Variants in FGD6 observed in about 807,000 individuals in gnomAD.
FGD6 encodes the protein FYVE, RhoGEF and PH domain containing 6.
In FGD6, 90 loss-of-function variants were observed where a neutral mutation model predicts 149.4. That is an observed-to-expected ratio of 0.60 (90% CI 0.51 to 0.72). The LOEUF (loss-of-function observed/expected upper bound fraction) is 0.72. Ranked by LOEUF, FGD6 falls within the 30% of genes least tolerant of loss-of-function variation. The probability of loss-of-function intolerance (pLI) is 0.00; values close to 1 mark genes in which losing one functional copy is unlikely to be tolerated. For synonymous variants in FGD6, 527 were observed against 584.0 expected (o/e 0.90, Z 1.41); for missense variants, 1,437 against 1,684.8 (o/e 0.85, Z 2.57).
Position 95,158,390 on chromosome 12 carries a change from T to C in FGD6, c.2587-5397A>G, listed in dbSNP as rs1015785810. ...CGGGGTTTCACCGTGTTAGCCAGGA[T>C]GGTCTCGATCTCCTGGCCTTCTGAT... On this transcript the variant is annotated intron_variant, in intron 3 of 20. Coordinates refer to ENST00000343958, the MANE Select transcript of FGD6 (RefSeq NM_018351.4). 6.6e-5 allele frequency among the ~76,000 whole-genome samples: 10 copies of C among 151,382 alleles called. No individual in the cohort carries two copies. In the South Asian group the frequency reaches 1.9e-3, roughly 29 times the overall value.
chr12:95,173,552 T>C (rs1245392681), intron 2 of FGD6, among the ~76,000 whole-genome samples: 1 of 152,056 alleles, frequency 6.6e-6, no homozygotes, highest in Non-Finnish European at 1.5e-5. Flanking sequence ...ATCTCATGAA[T>C]CTAAAAGCCA....
In FGD6 at chr12:95,092,840, G is replaced by A. The variant is rs1878103354; in HGVS notation, c.3606C>T (p.Asp1202=). 1 of 1,609,180 alleles carries A rather than the reference G, an allele frequency of 6.2e-7. No individual in the cohort carries two copies. Among genetic ancestry groups the A allele is most frequent in the African/African-American group, 1.3e-5 (1 of 74,892 alleles). The change falls in exon 16 of 21, where the codon GAC becomes GAT. Residue 1202 remains aspartate (D), a synonymous_variant. Transcript: ENST00000343958. ...FCPSRSLDEA[D]SENKEEVSPL... is the part of the protein sequence containing the mutation. ...GACTAACTTCTTCTTTATTTTCTGA[G>A]TCTGCCTGTGGAAGAAGAACAACTT... is the stretch of plus-strand genomic sequence containing the variant.
At chr12:95,132,491 G>A (rs140549780) in intron 8 of FGD6, among the ~76,000 whole-genome samples, 139 of 152,308 alleles carry the variant, frequency 9.1e-4, no homozygotes, top group African/African-American at 3.2e-3. Flanking sequence ...CGTGGCTCAT[G>A]CTTGTAATCC....
intron 3 of FGD6, among the ~76,000 whole-genome samples, chr12:95,159,971 C>T (rs1880588665): frequency 1.3e-5 from 2 of 150,256 alleles, no homozygotes; most frequent in Admixed American, 6.6e-5. Context: ...CACAATATTG[C>T]ACTCTAGTTT....
intron 6 of FGD6, among the ~76,000 whole-genome samples, chr12:95,138,952 T>C (rs556817950): frequency 7.5e-6 from 1 of 133,288 alleles, no homozygotes; most frequent in African/African-American, 2.8e-5. Flanking sequence ...ATGTCTGTTT[T>C]GTGCACTGTG....
In FGD6 at chr12:95,077,918, G is replaced by A. The variant is rs1471311094; in HGVS notation, c.*3602C>T. 6.6e-6 allele frequency: 1 copy of A among 152,232 alleles called. No individual in the cohort carries two copies. Among genetic ancestry groups the A allele is most frequent in the Non-Finnish European group, 1.5e-5 (1 of 68,056 alleles). 9.4% of individuals were successfully genotyped at this position (152,232 alleles called of 1,614,324 possible). A position where few individuals can be genotyped will look rare whatever the true frequency, so the allele number is the denominator to read the frequency against. On this transcript the variant is annotated 3_prime_UTR_variant, in exon 21 of 21. Coordinates refer to ENST00000343958, the MANE Select transcript of FGD6 (RefSeq NM_018351.4). ...TAGCCAATAGGTAGTTACAGATGTA[G>A]CTTTGCAGGATAGTGGAGAAAGTAG... is the stretch of plus-strand genomic sequence containing the variant.
At chr12:95,107,716 G>T (rs1214240016) in intron 11 of FGD6, 85 bp from the exon 12 acceptor site, 5 of 1,467,570 alleles carry the variant, frequency 3.4e-6, no homozygotes, top group Non-Finnish European at 2.8e-6. Flanking sequence ...TCTTCCCTGA[G>T]AATTTTTTTC....
rs117245199 is a variant in FGD6 at position 95,170,998 on chromosome 12, C to A, written c.2586+1602G>T. ...ATACTTCACAGCATAGAAATGAAGT[C>A]TGGCTAGTTATAAATAAATGATCAC... is the stretch of plus-strand genomic sequence containing the variant. On this transcript the variant is annotated intron_variant, in intron 3 of 20. Coordinates refer to ENST00000343958, the MANE Select transcript of FGD6 (RefSeq NM_018351.4). Among the ~76,000 whole-genome samples the A allele has an allele frequency of 2.6e-3, 390 of 152,286 alleles. 8 individuals are homozygous for A. The East Asian group carries it at 0.042, about 16-fold the overall frequency.
At chr12:95,123,475 G>C (rs1291718873) in intron 8 of FGD6, among the ~76,000 whole-genome samples, 1 of 152,154 alleles carries the variant, frequency 6.6e-6, no homozygotes, top group African/African-American at 2.4e-5. Context: ...ATGATAGATG[G>C]TATCTCCCCA....
Position 95,085,870 on chromosome 12 carries a change from G to GA in FGD6, c.4016_4017insT (p.Tyr1341ValfsTer7). 6.2e-7 allele frequency: 1 copy of GA among 1,612,220 alleles called. No individual in the cohort carries two copies. The highest frequency in any genetic ancestry group is 8.5e-7 in the Non-Finnish European group (1 of 1,179,620). On this transcript the variant is annotated frameshift_variant, in exon 19 of 21. Transcript: ENST00000343958. LOFTEE classifies it high-confidence loss of function. ...TTTTATTGCCCTTTGATCTGTACAAGTAGCCACTCATAGAAGAATCCTCTG... is the reference window on the plus strand; with the variant it reads ...TTTTATTGCCCTTTGATCTGTACAAGATAGCCACTCATAGAAGAATCCTCTG...
chr12:95,200,884 C>T (rs2056656098), intron 2 of FGD6, among the ~76,000 whole-genome samples: 1 of 152,058 alleles, frequency 6.6e-6, no homozygotes, highest in Admixed American at 6.6e-5. Context: ...ACTTAAGACA[C>T]TCAGCATTAA....
chr12:95,092,102 T>G (rs946281232), intron 16 of FGD6, among the ~76,000 whole-genome samples: 2 of 152,182 alleles, frequency 1.3e-5, no homozygotes, highest in East Asian at 1.9e-4. Context: ...GTACCTGGCA[T>G]GCAAAAAGGC....
intron 3 of FGD6, among the ~76,000 whole-genome samples, chr12:95,161,853 T>A (rs1880650719): frequency 6.6e-6 from 1 of 152,140 alleles, no homozygotes; most frequent in Admixed American, 6.6e-5. Flanking sequence ...GCTCTACATA[T>A]AAATTTGAAA....
At chr12:95,162,343 T>G (rs1440402489) in intron 3 of FGD6, among the ~76,000 whole-genome samples, 1 of 152,044 alleles carries the variant, frequency 6.6e-6, no homozygotes, top group Non-Finnish European at 1.5e-5. Context: ...GCCAACATGG[T>G]GTAACCCTGT....
intron 8 of FGD6, among the ~76,000 whole-genome samples, chr12:95,128,245 A>AT: frequency 6.6e-6 from 1 of 151,890 alleles, no homozygotes. Flanking sequence ...CTCTGACTTT[A>AT]TTTTTTTGAG....
intron 8 of FGD6, among the ~76,000 whole-genome samples, chr12:95,120,086 G>A (rs35703403): frequency 2.9e-4 from 44 of 151,806 alleles, no homozygotes; most frequent in Non-Finnish European, 5.3e-4. Flanking sequence ...AAAGTTAGCC[G>A]GGTGTGGTGG....
At chr12:95,177,876 T>G (rs962233091) in intron 2 of FGD6, among the ~76,000 whole-genome samples, 1 of 151,684 alleles carries the variant, frequency 6.6e-6, no homozygotes, top group East Asian at 1.9e-4. Context: ...ACTGTCACAG[T>G]AAAACCATGA....
At chr12:95,175,221 A>C (rs35322478) in intron 2 of FGD6, among the ~76,000 whole-genome samples, 39,379 of 152,134 alleles carry the variant, frequency 0.26, 5,953 homozygotes, top group East Asian at 0.39. Flanking sequence ...ACTTGGTGGT[A>C]GACTTGTTTC....
At position 95,209,859 on chromosome 12, in the gene FGD6, A is replaced by G. The variant is rs1346620109; in HGVS notation, c.1425T>C (p.Val475=). The change falls in exon 2 of 21, where the codon GTT becomes GTC. Residue 475 remains valine, a synonymous_variant. Transcript: ENST00000343958. ...ATTCCTTTTGCATTTGAGGGGCAGA[A>G]ACTCCCAGGTTTCTCCCAGATTGCA... ...EHLQSGRNLG[V]SAPQMQKESV... is the part of the protein sequence containing the mutation. The G allele has an allele frequency of 8.1e-6, 13 of 1,610,844 alleles. No individual in the cohort carries two copies. The highest frequency in any genetic ancestry group is 1.0e-5 in the Non-Finnish European group (12 of 1,179,314).
Sources: gnomAD v4.1 joint callset for allele counts (sites outside exome capture counted in the v4.1 genomes callset) on GRCh38, gnomAD v4.1.1 for gene constraint, MANE v1.5 for transcripts, NCBI Gene and HGNC (gene_info 2026-07-23, HGNC 2026-07-21) for gene names.